The following ZNF57 variants were observed in gnomAD, a reference collection of about 807,000 sequenced individuals.
ZNF57 encodes the protein zinc finger protein 424.
In ZNF57, 11 loss-of-function variants were observed where a neutral mutation model predicts 13.4. That is an observed-to-expected ratio of 0.82 (90% CI 0.52 to 1.36). The LOEUF is 1.36. Ranked by LOEUF, ZNF57 falls within the 40% of genes most tolerant of loss-of-function variation. The pLI is 0.00. For synonymous variants in ZNF57, 224 were observed against 238.5 expected (o/e 0.94, Z 0.56); for missense variants, 696 against 667.5 (o/e 1.04, Z -0.47).
In ZNF57 at chr19:2,908,889, T is replaced by A. The variant is rs1163374535; in HGVS notation, c.4-6633T>A. Among the ~76,000 whole-genome samples, 6 of 131,794 alleles carry A rather than the reference T, an allele frequency of 4.6e-5. No homozygotes were observed. In the Admixed American group the frequency reaches 5.0e-4, roughly 11 times the overall value. 86.5% of individuals were successfully genotyped at this position (131,794 alleles called of 152,430 possible). ...TAGAGATTTGGCTGTTCTTGACATT[T>A]CGTATGTTGTTTCTCTTTTTTTCCT... On this transcript the variant is annotated intron_variant, in intron 1 of 3. Coordinates refer to ENST00000306908, the MANE Select transcript of ZNF57 (RefSeq NM_173480.3).
chr19:2,917,777 C>A lies in ZNF57; in HGVS notation c.1156C>A (p.His386Asn), dbSNP rs2088224052. The A allele has an allele frequency of 6.2e-7, 1 of 1,605,790 alleles. No individual in the cohort carries two copies. The highest frequency in any genetic ancestry group is 8.5e-7 in the Non-Finnish European group (1 of 1,176,184). ...SSTFREHVRI[H>N]TQEQLYKCEQ... Reference sequence around the variant, plus strand: ...AACGTTTAGAGAACATGTGAGAATTCACACGCAAGAGCAGCTCTATAAATG... The same window carrying A: ...AACGTTTAGAGAACATGTGAGAATTAACACGCAAGAGCAGCTCTATAAATG... Residue 386 changes from histidine (H) to asparagine (N), a missense_variant, in exon 4 of 4, where the codon CAC becomes AAC. Physicochemically the swap from His to Asn is moderately conservative, Grantham distance 68. Around this residue, in one of 3 missense-constraint regions of ZNF57, gnomAD observed 645 missense variants for 591.5 expected, o/e 1.09. Coordinates refer to ENST00000306908, the MANE Select transcript of ZNF57 (RefSeq NM_173480.3).
In ZNF57 at chr19:2,916,842, A is replaced by G. The variant is rs1308551409; in HGVS notation, c.303-82A>G. 7 of 1,227,222 alleles carry G rather than the reference A, an allele frequency of 5.7e-6. No homozygotes were observed. The East Asian group carries it at 9.6e-5, about 17-fold the overall frequency. The allele number at this position is 1,227,222 out of a possible 1,614,324, so 76.0% of individuals were successfully genotyped here. Reference sequence around the variant, plus strand: ...CACGTATACTGAAATGTAGTTAGACATTATTTCTAATACTTGTTAATACAT... The same window carrying G: ...CACGTATACTGAAATGTAGTTAGACGTTATTTCTAATACTTGTTAATACAT... On this transcript the variant is annotated intron_variant, in intron 3 of 3. Transcript: ENST00000306908.
At chr19:2,908,611 G>A (rs1275034129) in intron 1 of ZNF57, among the ~76,000 whole-genome samples, 6 of 151,938 alleles carry the variant, frequency 3.9e-5, no homozygotes, top group Admixed American at 2.0e-4. Context: ...AGTAGAGATA[G>A]CTAGGATGAT....
At chr19:2,904,635 G>A (rs543417625) in intron 1 of ZNF57, among the ~76,000 whole-genome samples, 16 of 152,070 alleles carry the variant, frequency 1.1e-4, no homozygotes, top group Admixed American at 2.6e-4. Context: ...TCCACCTCCC[G>A]GGTTCAAGCA....
At chr19:2,902,327 C>A (rs773537854) in intron 1 of ZNF57, among the ~76,000 whole-genome samples, 12 of 152,064 alleles carry the variant, frequency 7.9e-5, no homozygotes, top group Non-Finnish European at 1.5e-4. Context: ...CTGTACTGTT[C>A]TCCTGTTTGG....
intron 1 of ZNF57, among the ~76,000 whole-genome samples, chr19:2,905,846 G>A (rs1044591499): frequency 6.6e-6 from 1 of 151,348 alleles, no homozygotes; most frequent in East Asian, 1.9e-4. Flanking sequence ...TTTCATTTCA[G>A]TTCTTAGAAG....
chr19:2,913,107 C>G (rs1760175359), intron 1 of ZNF57, among the ~76,000 whole-genome samples: 1 of 152,162 alleles, frequency 6.6e-6, no homozygotes, highest in Admixed American at 6.6e-5. Flanking sequence ...GCATCCGCCA[C>G]CACGCCCAGC....
intron 1 of ZNF57, among the ~76,000 whole-genome samples, chr19:2,912,425 C>T (rs1187341700): frequency 2.0e-5 from 3 of 152,160 alleles, no homozygotes; most frequent in African/African-American, 7.2e-5. Flanking sequence ...AGACTTGGGC[C>T]CGCTGTGCCC....
chr19:2,916,792 C>T, intron 3 of ZNF57, 132 bp from the exon 4 acceptor site: 2 of 717,680 alleles, frequency 2.8e-6, no homozygotes, highest in Non-Finnish European at 4.3e-6. Context: ...TATGTCTCTT[C>T]AAACAATTCA....
rs2088219031 is a variant in ZNF57, at chr19:2,917,566, A to G, written c.945A>G (p.Lys315=). 3.7e-6 allele frequency: 6 copies of G among 1,614,054 alleles called. No individual in the cohort carries two copies. Among genetic ancestry groups the G allele is most frequent in the Non-Finnish European group, 4.2e-6 (5 of 1,179,984 alleles). The change falls in exon 4 of 4, where the codon AAA becomes AAG. Residue 315 remains lysine (K), a synonymous_variant. Transcript: ENST00000306908. Reference sequence around the variant, plus strand: ...CCTATGAATGCAAGCAGTGTGGGAAAACATTCAGTTGGTCTGAAACCTTGC... The same window carrying G: ...CCTATGAATGCAAGCAGTGTGGGAAGACATTCAGTTGGTCTGAAACCTTGC... ...EKPYECKQCG[K]TFSWSETLRV... is the part of the protein sequence containing the mutation.
At chr19:2,906,406 C>T (rs1359379157) in intron 1 of ZNF57, among the ~76,000 whole-genome samples, 1 of 152,214 alleles carries the variant, frequency 6.6e-6, no homozygotes, top group Non-Finnish European at 1.5e-5. Context: ...TTAGTAAGGA[C>T]AAGCAGGCCT....
Position 2,916,937 on chromosome 19 carries a change from G to T in ZNF57, c.316G>T (p.Asp106Tyr). The change falls in exon 4 of 4, where the codon GAC becomes TAC. Residue 106 changes from aspartate (D) to tyrosine (Y), a missense_variant. Transcript: ENST00000306908. ...CATTTTTAACAGAAATCATATGGTG[G>T]ACAGATTCTGTACACATAATGAAGG... The part of the protein sequence containing the change: ...HHKNLRNHMV[D>Y]RFCTHNEGNQ... 6.3e-7 allele frequency: 1 copy of T among 1,580,804 alleles called. No homozygotes were observed. Among genetic ancestry groups the T allele is most frequent in the Non-Finnish European group, 8.6e-7 (1 of 1,163,412 alleles).
chr19:2,902,406 A>C (rs1169596886), intron 1 of ZNF57, among the ~76,000 whole-genome samples: 1 of 152,114 alleles, frequency 6.6e-6, no homozygotes, highest in African/African-American at 2.4e-5. Flanking sequence ...GTCCGTCAGG[A>C]TAACACCTGT....
At position 2,917,265 on chromosome 19, in the gene ZNF57, TAA is replaced by T. The variant is rs752470513; in HGVS notation, c.646_647del (p.Lys216AspfsTer18). 4 of 1,614,000 alleles carry T rather than the reference TAA, an allele frequency of 2.5e-6. No individual in the cohort carries two copies. In the African/African-American group the frequency reaches 4.0e-5, roughly 16 times the overall value. The stretch of plus-strand genomic sequence containing the variant: ...CATCCTCGTTACCTCTCCCACCACG[TAA>T]AGACTCACACAGCAGAGAAAACCTA... On this transcript the variant is annotated frameshift_variant, in exon 4 of 4. Transcript: ENST00000306908. LOFTEE classifies it low-confidence loss of function (END_TRUNC).
chr19:2,904,396 C>T (rs998068561), intron 1 of ZNF57, among the ~76,000 whole-genome samples: 1 of 152,152 alleles, frequency 6.6e-6, no homozygotes, highest in South Asian at 2.1e-4. Context: ...AGCTGGAGTG[C>T]AGTGGTGTGA....
chr19:2,915,703 T>A (rs1484247658), intron 2 of ZNF57, 55 bp downstream of exon 2: 2 of 1,611,970 alleles, frequency 1.2e-6, no homozygotes, highest in Non-Finnish European at 1.7e-6. Context: ...TTCTTTCTCA[T>A]CAGTTCTGTT....
chr19:2,906,077 A>G (rs897126365), intron 1 of ZNF57, among the ~76,000 whole-genome samples: 5 of 152,140 alleles, frequency 3.3e-5, no homozygotes, highest in Non-Finnish European at 5.9e-5. Flanking sequence ...TTCATTAGAT[A>G]TAAAATTCCT....
chr19:2,905,924 TC>T (rs1451471802), intron 1 of ZNF57, among the ~76,000 whole-genome samples: 1 of 152,318 alleles, frequency 6.6e-6, no homozygotes, highest in East Asian at 1.9e-4. Flanking sequence ...GGAATTGTAT[TC>T]AAACCCCAGA....
intron 1 of ZNF57, among the ~76,000 whole-genome samples, chr19:2,905,407 G>GCCCCCCACCC (rs2088064580): frequency 2.9e-5 from 1 of 34,848 alleles, no homozygotes; most frequent in African/African-American, 1.3e-4. Flanking sequence ...TCAGGTGATC[G>GCCCCCCACCC]CCCCCCCCCC....
Sources: allele counts gnomAD v4.1 joint callset (sites outside exome capture counted in the v4.1 genomes callset), GRCh38; gene constraint gnomAD v4.1.1; regional missense constraint gnomAD v4.1.1; transcripts MANE v1.5; gene names NCBI Gene and HGNC (gene_info 2026-07-23, HGNC 2026-07-21).